RIN2: variants seen among roughly 807,000 people sequenced by gnomAD.
RIN2 encodes Ras and Rab interactor 2.
In RIN2, 36 loss-of-function variants were observed where a neutral mutation model predicts 78.0. The ratio of observed to expected loss-of-function variants is 0.46; its 90% CI spans 0.35 to 0.61. The LOEUF is 0.61. Among genes scored for constraint, RIN2 ranks in the 20% least tolerant of loss-of-function variants. The probability of loss-of-function intolerance (pLI) is 0.00; values close to 1 mark genes in which losing one functional copy is unlikely to be tolerated. For synonymous variants in RIN2, 466 were observed against 466.8 expected (o/e 1.00, Z 0.02); for missense variants, 1,087 against 1,159.7 (o/e 0.94, Z 0.91).
intron 4 of RIN2, among the ~76,000 whole-genome samples, chr20:19,941,536 C>T (rs1168707625): frequency 1.3e-5 from 2 of 152,124 alleles, no homozygotes; most frequent in African/African-American, 2.4e-5. Context: ...GATGAAAATC[C>T]ACAGAGTAAA....
chr20:19,974,941 T>TGCCC lies in RIN2; in HGVS notation c.916_917insGCCC (p.Ser306CysfsTer13). On this transcript the variant is annotated frameshift_variant, in exon 9 of 13. Coordinates refer to ENST00000255006, the MANE Select transcript of RIN2 (RefSeq NM_018993.4). LOFTEE classifies it high-confidence loss of function. ...CGCGAATGGCACGGAGCGGACTCGGTCCCCCCCACCCAGGCCCCCGCCACC... is the reference window on the plus strand; with the variant it reads ...CGCGAATGGCACGGAGCGGACTCGGTGCCCCCCCCCCACCCAGGCCCCCGCCACC... 43 of 1,570,862 alleles carry TGCCC rather than the reference T, an allele frequency of 2.7e-5. No homozygotes were observed. The highest frequency in any genetic ancestry group is 3.2e-5 in the Non-Finnish European group (37 of 1,143,732).
chr20:19,943,078 C>T (rs966362515), intron 4 of RIN2, among the ~76,000 whole-genome samples: 17 of 152,204 alleles, frequency 1.1e-4, no homozygotes, highest in South Asian at 8.3e-4. Context: ...GTGCATGCCC[C>T]GGGCTTGAAG....
rs373049646 is a variant in RIN2, at chr20:19,829,621, C to T, written c.-37+29874C>T. Among the ~76,000 whole-genome samples the T allele has an allele frequency of 3.9e-5, 6 of 152,238 alleles. No homozygotes were observed. The East Asian group carries it at 1.2e-3, about 29-fold the overall frequency. On this transcript the variant is annotated intron_variant, in intron 2 of 12. Coordinates refer to ENST00000255006, the MANE Select transcript of RIN2 (RefSeq NM_018993.4). The stretch of plus-strand genomic sequence containing the variant: ...GGTTTTTAGATGCATACTAGAGAAT[C>T]GCCTCTAGCTGGTTTAGGCAGGGAG...
At chr20:19,834,969 A>G (rs7508994) in intron 2 of RIN2, among the ~76,000 whole-genome samples, 14,928 of 122,352 alleles carry the variant, frequency 0.12, 1,193 homozygotes, top group African/African-American at 0.25. Context: ...GAGAGAGAGA[A>G]AGAAAGAAAG....
At chr20:19,829,132 A>T (rs908075116) in intron 2 of RIN2, among the ~76,000 whole-genome samples, 5 of 152,090 alleles carry the variant, frequency 3.3e-5, no homozygotes, top group African/African-American at 1.2e-4. Context: ...CACCTATATG[A>T]TGGGACGCTT....
rs2035998873 is a variant in RIN2, at chr20:19,823,772, T to C, written c.-37+24025T>C. On this transcript the variant is annotated intron_variant, in intron 2 of 12. Transcript: ENST00000255006. ...TTCTGAATGGTTAGTTTCACTGTAA[T>C]CCTCAGGCCCTTCCAGTCACCCATT... 5 of 1,597,420 alleles carry C rather than the reference T, an allele frequency of 3.1e-6. No homozygotes were observed. The East Asian group carries it at 1.1e-4, about 36-fold the overall frequency.
intron 11 of RIN2, 64 bp from the exon 12 acceptor site, chr20:19,996,615 C>A: frequency 6.6e-7 from 1 of 1,524,460 alleles, no homozygotes; most frequent in Non-Finnish European, 9.1e-7. Context: ...ACGCTGGCAT[C>A]CCCTGTTATC....
At chr20:19,868,852 G>T (rs2037590522) in intron 2 of RIN2, among the ~76,000 whole-genome samples, 1 of 152,068 alleles carries the variant, frequency 6.6e-6, no homozygotes, top group Non-Finnish European at 1.5e-5. Flanking sequence ...AGGCCAAGGG[G>T]GGTGGATCAC....
intron 8 of RIN2, 115 bp from the exon 9 acceptor site, chr20:19,974,539 C>G (rs1370257990): frequency 1.2e-5 from 13 of 1,050,146 alleles, no homozygotes; most frequent in Non-Finnish European, 1.4e-5. Flanking sequence ...CAACGCACCC[C>G]CTACCCCACC....
chr20:19,834,833 A>G (rs952731620), intron 2 of RIN2, among the ~76,000 whole-genome samples: 5 of 152,040 alleles, frequency 3.3e-5, no homozygotes, highest in African/African-American at 1.2e-4. Flanking sequence ...CACACCTGCA[A>G]TCCCAGCACT....
At chr20:19,790,155 T>C (rs78718828) in intron 1 of RIN2, among the ~76,000 whole-genome samples, 6,866 of 152,310 alleles carry the variant, frequency 0.045, 200 homozygotes, top group Middle Eastern at 0.092. Flanking sequence ...TATAGACTTA[T>C]TCATTTGTCT....
Position 19,880,250 on chromosome 20 carries a change from T to TAAA in RIN2, c.-36-9298_-36-9296dup, listed in dbSNP as rs10551811. Among the ~76,000 whole-genome samples, 346 of 135,932 alleles carry TAAA rather than the reference T, an allele frequency of 2.5e-3. 2 individuals carry two copies. The highest frequency in any genetic ancestry group is 8.0e-3 in the African/African-American group (291 of 36,452). The allele number at this position is 135,932 out of a possible 152,430, so 89.2% of individuals were successfully genotyped here. The stretch of plus-strand genomic sequence containing the variant: ...TGGGCAACAGAGTGAGACTCTGTCT[T>TAAA]AAAAAAAAAAAAAAAAAAAATTTCC... On this transcript the variant is annotated intron_variant, in intron 2 of 12. Coordinates refer to ENST00000255006, the MANE Select transcript of RIN2 (RefSeq NM_018993.4).
intron 3 of RIN2, among the ~76,000 whole-genome samples, chr20:19,905,471 C>T (rs375310858): frequency 6.6e-6 from 1 of 152,300 alleles, no homozygotes; most frequent in African/African-American, 2.4e-5. Flanking sequence ...ACCTGTAATC[C>T]TAACTCTGTG....
intron 5 of RIN2, among the ~76,000 whole-genome samples, chr20:19,960,055 G>A (rs892271985): frequency 2.0e-5 from 3 of 152,170 alleles, no homozygotes; most frequent in East Asian, 3.8e-4. Flanking sequence ...CATGTCCACC[G>A]GGGTGAACTT....
chr20:19,906,460 A>C (rs1167528339), intron 3 of RIN2, among the ~76,000 whole-genome samples: 1 of 152,170 alleles, frequency 6.6e-6, no homozygotes, highest in East Asian at 1.9e-4. Flanking sequence ...CAAAAAGAAA[A>C]AAATAGCAGG....
At chr20:19,808,166 T>G (rs1159874228) in intron 2 of RIN2, among the ~76,000 whole-genome samples, 2 of 152,270 alleles carry the variant, frequency 1.3e-5, no homozygotes, top group African/African-American at 4.8e-5. Flanking sequence ...AATTAAACTA[T>G]GAATGAAATC....
At chr20:19,813,430 G>C (rs12481299) in intron 2 of RIN2, among the ~76,000 whole-genome samples, 2 of 152,104 alleles carry the variant, frequency 1.3e-5, no homozygotes, top group East Asian at 1.9e-4. Context: ...CACCGAATAC[G>C]TACCAGATAC....
intron 1 of RIN2, among the ~76,000 whole-genome samples, chr20:19,786,320 C>T (rs554039743): frequency 6.6e-6 from 1 of 152,242 alleles, no homozygotes; most frequent in South Asian, 2.1e-4. Context: ...TGCTGAGCTG[C>T]CATGCAAGCA....
At chr20:19,899,215 T>C (rs2123605252) in intron 3 of RIN2, among the ~76,000 whole-genome samples, 1 of 152,192 alleles carries the variant, frequency 6.6e-6, no homozygotes, top group Non-Finnish European at 1.5e-5. Flanking sequence ...GCTAGCTCTA[T>C]GTTTATTGAC....
Sources: allele counts gnomAD v4.1 joint callset (sites outside exome capture counted in the v4.1 genomes callset), GRCh38; gene constraint gnomAD v4.1.1; transcripts MANE v1.5; gene names NCBI Gene and HGNC (gene_info 2026-07-23, HGNC 2026-07-21).